NLRC5: variants seen among roughly 807,000 people sequenced by gnomAD.
The protein encoded by NLRC5 is protein NLRC5.
In NLRC5, 114 loss-of-function variants were observed where a neutral mutation model predicts 206.9. The observed-to-expected ratio is 0.55, with a 90% CI of 0.47 to 0.64. NLRC5 has a LOEUF of 0.64. Among genes scored for constraint, NLRC5 ranks in the 30% least tolerant of loss-of-function variants. The pLI, the probability that NLRC5 is intolerant of heterozygous loss-of-function variation, is 0.00. For synonymous variants in NLRC5, 952 were observed against 962.8 expected (o/e 0.99, Z 0.21); for missense variants, 2,008 against 2,305.5 (o/e 0.87, Z 2.64).
chr16:57,009,852 T>C (rs1255633331), intron 1 of NLRC5, among the ~76,000 whole-genome samples: 1 of 152,164 alleles, frequency 6.6e-6, no homozygotes, highest in East Asian at 1.9e-4. Flanking sequence ...CTAAGGGGCA[T>C]AGGACCTGAT....
At chr16:57,011,167 C>G (rs2059450162) in intron 1 of NLRC5, among the ~76,000 whole-genome samples, 3 of 152,196 alleles carry the variant, frequency 2.0e-5, no homozygotes. Context: ...AACCCCAACA[C>G]TTTGGGAGGC....
At chr16:57,035,423 T>C (rs2062428318) in intron 13 of NLRC5, among the ~76,000 whole-genome samples, 1 of 152,088 alleles carries the variant, frequency 6.6e-6, no homozygotes, top group African/African-American at 2.4e-5. Flanking sequence ...AACTCCCAGG[T>C]GGTCCAGAAC....
chr16:57,025,357 G>A lies in NLRC5; in HGVS notation c.425-11G>A. Reference sequence around the variant, plus strand: ...GGTCCTCTCCTCATGCCATGTCCCTGCCCCTTGCAGAGTTGGCCAAGAAGT... The same window carrying A: ...GGTCCTCTCCTCATGCCATGTCCCTACCCCTTGCAGAGTTGGCCAAGAAGT... On this transcript the variant is annotated splice_polypyrimidine_tract_variant and intron_variant, in intron 5 of 48. Transcript: ENST00000688547. The A allele has an allele frequency of 1.3e-6, 2 of 1,527,744 alleles. No homozygotes were observed. Among genetic ancestry groups the A allele is most frequent in the Non-Finnish European group, 1.8e-6 (2 of 1,138,840 alleles). The allele number at this position is 1,527,744 out of a possible 1,614,324, so 94.6% of individuals were successfully genotyped here. A position where few individuals can be genotyped will look rare whatever the true frequency, so the allele number is the denominator to read the frequency against.
At chr16:56,990,474 A>G (rs1334146912) in intron 1 of NLRC5, 1 of 152,108 alleles carries the variant, frequency 6.6e-6, no homozygotes, top group African/African-American at 2.4e-5. Flanking sequence ...CTGCATTCCC[A>G]TGTGGTTTTC....
chr16:57,059,152 G>T, intron 29 of NLRC5, 91 bp downstream of exon 29: 2 of 1,606,794 alleles, frequency 1.2e-6, no homozygotes, highest in Non-Finnish European at 1.7e-6. Flanking sequence ...CCCACACTTT[G>T]TGGCCTTCCA....
At chr16:57,047,419 C>A in intron 22 of NLRC5, 126 bp from the exon 23 acceptor site, 1 of 782,292 alleles carries the variant, frequency 1.3e-6, no homozygotes, top group South Asian at 1.6e-5. Flanking sequence ...GAGTGCCCCA[C>A]AGGGGAAGGG....
rs199476001 is a variant in NLRC5, at chr16:57,059,081, C to A, written c.3920+20C>A. On this transcript the variant is annotated intron_variant, in intron 29 of 48. Coordinates refer to ENST00000688547, the MANE Select transcript of NLRC5 (RefSeq NM_001384950.1). Reference sequence around the variant, plus strand: ...AGTGAAGTAAGGGGATGTTGGTCCCCGAAAAGCCCCTTTCTGCTGGCCAAC... The same window carrying A: ...AGTGAAGTAAGGGGATGTTGGTCCCAGAAAAGCCCCTTTCTGCTGGCCAAC... The A allele has an allele frequency of 6.2e-7, 1 of 1,613,476 alleles. No individual in the cohort carries two copies. Among genetic ancestry groups the A allele is most frequent in the Non-Finnish European group, 8.5e-7 (1 of 1,180,012 alleles).
chr16:57,066,327 G>A (rs1457122276), intron 33 of NLRC5, among the ~76,000 whole-genome samples: 3 of 151,646 alleles, frequency 2.0e-5, no homozygotes, highest in Non-Finnish European at 2.9e-5. Context: ...AAAAAAGAAA[G>A]AGAAAAATTG....
chr16:57,061,404 C>A, intron 30 of NLRC5, 44 bp from the exon 31 acceptor site: 1 of 1,577,816 alleles, frequency 6.3e-7, no homozygotes, highest in Non-Finnish European at 8.7e-7. Context: ...AGCAGCAGTG[C>A]CCACAGGCCT....
chr16:57,036,645 G>C (rs1300246715), intron 14 of NLRC5, among the ~76,000 whole-genome samples: 1 of 151,872 alleles, frequency 6.6e-6, no homozygotes, highest in East Asian at 1.9e-4. Context: ...TGTTGCATGG[G>C]GTGAGGGTGA....
At chr16:57,001,781 T>A (rs1485355666) in intron 1 of NLRC5, among the ~76,000 whole-genome samples, 1 of 152,208 alleles carries the variant, frequency 6.6e-6, no homozygotes, top group African/African-American at 2.4e-5. Flanking sequence ...TATTTTTAAA[T>A]GTACAGTTAA....
At chr16:57,009,360 G>A (rs1025775057) in intron 1 of NLRC5, among the ~76,000 whole-genome samples, 4 of 151,978 alleles carry the variant, frequency 2.6e-5, no homozygotes, top group Non-Finnish European at 5.9e-5. Flanking sequence ...TTGGGAGGCC[G>A]AGGTGGGCGG....
At chr16:57,070,514 C>T (rs373987176) in intron 37 of NLRC5, 21 bp from the exon 38 acceptor site, 1 of 1,610,788 alleles carries the variant, frequency 6.2e-7, no homozygotes, top group African/African-American at 1.3e-5. Flanking sequence ...CTAACCCTTG[C>T]CTCTGCCTGG....
At chr16:57,065,744 A>G (rs532178553) in intron 33 of NLRC5, among the ~76,000 whole-genome samples, 1 of 152,304 alleles carries the variant, frequency 6.6e-6, no homozygotes, top group South Asian at 2.1e-4. Context: ...TGTCTCTCTG[A>G]CCTCAACCTC....
intron 1 of NLRC5, among the ~76,000 whole-genome samples, chr16:57,011,541 A>G (rs550529494): frequency 6.6e-6 from 1 of 152,198 alleles, no homozygotes; most frequent in African/African-American, 2.4e-5. Context: ...TGGGCAACAC[A>G]GGGAAACTAT....
rs1009941722 is a variant in NLRC5, at chr16:57,067,918, T to G, written c.4499+90T>G. ...ATTCCCAGCCCTGGGCTCAGAGGAC[T>G]CTTACTCTGTGTCTTACTCTGTGGA... On this transcript the variant is annotated intron_variant, in intron 36 of 48. Coordinates refer to ENST00000688547, the MANE Select transcript of NLRC5 (RefSeq NM_001384950.1). The G allele has an allele frequency of 2.9e-6, 3 of 1,026,248 alleles. No individual in the cohort carries two copies. In the East Asian group the frequency reaches 7.1e-5, roughly 24 times the overall value. The allele number at this position is 1,026,248 out of a possible 1,614,324, so 63.6% of individuals were successfully genotyped here. A position where few individuals can be genotyped will look rare whatever the true frequency, so the allele number is the denominator to read the frequency against.
intron 19 of NLRC5, 36 bp downstream of exon 19, chr16:57,042,101 G>A: frequency 7.3e-7 from 1 of 1,371,000 alleles, no homozygotes; most frequent in South Asian, 1.5e-5. Flanking sequence ...CTGAGGCTGG[G>A]GCAGGGGGGG....
intron 43 of NLRC5, among the ~76,000 whole-genome samples, 184 bp from the exon 44 acceptor site, chr16:57,078,866 G>A (rs2068771151): frequency 6.6e-6 from 1 of 152,180 alleles, no homozygotes; most frequent in African/African-American, 2.4e-5. Context: ...GAAGGACCCA[G>A]GTGTTGAATT....
intron 32 of NLRC5, among the ~76,000 whole-genome samples, chr16:57,063,991 G>A (rs1567629124): frequency 6.6e-6 from 1 of 152,068 alleles, no homozygotes; most frequent in Non-Finnish European, 1.5e-5. Flanking sequence ...CCCCACCTCA[G>A]CCTCCCAAAG....
Sources: allele counts gnomAD v4.1 joint callset (sites outside exome capture counted in the v4.1 genomes callset), GRCh38; gene constraint gnomAD v4.1.1; transcripts MANE v1.5; gene names NCBI Gene and HGNC (gene_info 2026-07-23, HGNC 2026-07-21).